Variants in CACNG2 observed in about 807,000 individuals in gnomAD.
The protein encoded by CACNG2 is calcium voltage-gated channel auxiliary subunit gamma 2, also known as voltage-dependent calcium channel gamma-2 subunit.
In CACNG2, 3 loss-of-function variants were observed where a neutral mutation model predicts 25.9. That is an observed-to-expected ratio of 0.12 (90% CI 0.05 to 0.30). The LOEUF is 0.30. Ranked by LOEUF, CACNG2 falls within the 10% of genes least tolerant of loss-of-function variation. The pLI, the probability that CACNG2 is intolerant of heterozygous loss-of-function variation, is 1.00. For missense variants in CACNG2, 341 were observed against 432.5 expected (o/e 0.79, Z 1.88); for synonymous variants, 167 against 173.3 (o/e 0.96, Z 0.29).
intron 1 of CACNG2, among the ~76,000 whole-genome samples, chr22:36,667,245 G>A (rs1936887935): frequency 6.6e-6 from 1 of 152,164 alleles, no homozygotes. Flanking sequence ...GAGCAGCTGC[G>A]TCCAGCTGGG....
chr22:36,572,741 C>A (rs1354549377), intron 2 of CACNG2, among the ~76,000 whole-genome samples: 1 of 151,446 alleles, frequency 6.6e-6, no homozygotes, highest in Non-Finnish European at 1.5e-5. Flanking sequence ...AGGTGGTGGG[C>A]TGGATGGGCT....
At chr22:36,593,452 G>A (rs1935627724) in intron 1 of CACNG2, among the ~76,000 whole-genome samples, 2 of 152,158 alleles carry the variant, frequency 1.3e-5, no homozygotes, top group South Asian at 4.1e-4. Flanking sequence ...CAGGGAAATG[G>A]ACCGGAAATG....
chr22:36,679,403 T>C (rs1937066883), intron 1 of CACNG2, among the ~76,000 whole-genome samples: 1 of 152,130 alleles, frequency 6.6e-6, no homozygotes, highest in Admixed American at 6.5e-5. Flanking sequence ...GGAGAGGTTA[T>C]AGGAGATGGC....
Position 36,582,406 on chromosome 22 carries a change from C to CTTTTTTTTTTTTTTTT in CACNG2, c.295+5058_295+5059insAAAAAAAAAAAAAAAA, listed in dbSNP as rs750246907. Among the ~76,000 whole-genome samples the CTTTTTTTTTTTTTTTT allele has an allele frequency of 2.1e-5, 2 of 96,728 alleles. 1 individual carries two copies. The highest frequency in any genetic ancestry group is 6.0e-5 in the African/African-American group (2 of 33,374). The allele number at this position is 96,728 out of a possible 152,430, so 63.5% of individuals were successfully genotyped here. On this transcript the variant is annotated intron_variant, in intron 2 of 3. Transcript: ENST00000300105. Reference sequence around the variant, plus strand: ...TGCACTTGCTGTTTGCTCTTTCTTTCTTTCTTTTTTTTTTTTGAGACAGAG... The same window carrying CTTTTTTTTTTTTTTTT: ...TGCACTTGCTGTTTGCTCTTTCTTTCTTTTTTTTTTTTTTTTTTTCTTTTTTTTTTTTGAGACAGAG...
chr22:36,614,871 G>C (rs1253635942), intron 1 of CACNG2, among the ~76,000 whole-genome samples: 1 of 152,226 alleles, frequency 6.6e-6, no homozygotes, highest in Non-Finnish European at 1.5e-5. Context: ...GCTTATGTCC[G>C]TGGACTTACT....
chr22:36,702,446 C>T lies in CACNG2; in HGVS notation c.131G>A (p.Ser44Asn). ...TTTGCTGGTTTCATTCTCACTGACA[C>T]TTTTGGTCTTGCAAACCCCTCTGGA... ...LYSRGVCKTK[S>N]VSENETSKKN... Residue 44 changes from serine to asparagine, a missense_variant, in exon 1 of 4, where the codon AGT (serine) becomes AAT (asparagine). This residue lies in a region of CACNG2 where 169 missense variants were observed against 254.4 expected (regional missense o/e 0.66). Coordinates refer to ENST00000300105, the MANE Select transcript of CACNG2 (RefSeq NM_006078.5). The T allele has an allele frequency of 1.2e-6, 2 of 1,614,128 alleles. No individual in the cohort carries two copies. Among genetic ancestry groups the T allele is most frequent in the South Asian group, 1.1e-5 (1 of 91,082 alleles).
chr22:36,581,472 C>T (rs539516641), intron 2 of CACNG2, among the ~76,000 whole-genome samples: 69 of 152,326 alleles, frequency 4.5e-4, no homozygotes, highest in African/African-American at 1.4e-3. Flanking sequence ...GCGCGGTGAG[C>T]CCCACCATCC....
chr22:36,637,444 G>T (rs1936374548), intron 1 of CACNG2, among the ~76,000 whole-genome samples: 2 of 152,156 alleles, frequency 1.3e-5, no homozygotes, highest in Non-Finnish European at 1.5e-5. Context: ...AGTATATGGG[G>T]ATTCATTTTC....
intron 1 of CACNG2, among the ~76,000 whole-genome samples, chr22:36,604,716 A>G (rs1935805593): frequency 6.6e-6 from 1 of 152,222 alleles, no homozygotes; most frequent in South Asian, 2.1e-4. Flanking sequence ...AAAATTATGT[A>G]TGTACATTGT....
intron 1 of CACNG2, among the ~76,000 whole-genome samples, chr22:36,664,489 A>G (rs1936846194): frequency 6.6e-6 from 1 of 152,158 alleles, no homozygotes; most frequent in South Asian, 2.1e-4. Context: ...CTAAGGATGC[A>G]TTATAATGCA....
At chr22:36,685,252 C>T (rs900219179) in intron 1 of CACNG2, among the ~76,000 whole-genome samples, 2 of 152,126 alleles carry the variant, frequency 1.3e-5, no homozygotes, top group South Asian at 2.1e-4. Context: ...GACCAACTGT[C>T]GTGGACCCTC....
chr22:36,575,180 C>T (rs192314377), intron 2 of CACNG2, among the ~76,000 whole-genome samples: 12 of 152,292 alleles, frequency 7.9e-5, no homozygotes, highest in East Asian at 3.9e-4. Context: ...GGAATGTGGA[C>T]GCTTTAGAAA....
chr22:36,664,602 G>A (rs944349880), intron 1 of CACNG2, among the ~76,000 whole-genome samples: 4 of 152,188 alleles, frequency 2.6e-5, no homozygotes, highest in Admixed American at 6.5e-5. Flanking sequence ...CCTGGAATCT[G>A]AAGCTAGATT....
At chr22:36,658,802 G>C (rs1936745113) in intron 1 of CACNG2, among the ~76,000 whole-genome samples, 1 of 152,188 alleles carries the variant, frequency 6.6e-6, no homozygotes, top group South Asian at 2.1e-4. Flanking sequence ...TAGGCGGGGT[G>C]TGGGGACAGG....
intron 1 of CACNG2, among the ~76,000 whole-genome samples, chr22:36,670,290 A>G (rs1250191423): frequency 1.3e-5 from 2 of 152,154 alleles, no homozygotes; most frequent in African/African-American, 2.4e-5. Context: ...TTGAAACCCA[A>G]TTCTCCATCA....
chr22:36,602,681 C>T (rs763544298), intron 1 of CACNG2, among the ~76,000 whole-genome samples: 5 of 152,190 alleles, frequency 3.3e-5, no homozygotes, highest in African/African-American at 9.7e-5. Flanking sequence ...CCACTGCGCC[C>T]GGACTACTTC....
Position 36,702,801 on chromosome 22 carries a change from G to C in CACNG2, c.-225C>G, listed in dbSNP as rs1447281850. On this transcript the variant is annotated 5_prime_UTR_variant, in exon 1 of 4. Coordinates refer to ENST00000300105, the MANE Select transcript of CACNG2 (RefSeq NM_006078.5). ...ATAAAGATCACACGGGAAGAGGCTT[G>C]CCTTTTGAGATCAGAAACTGTTCCA... is the stretch of plus-strand genomic sequence containing the variant. 7.0e-6 allele frequency: 3 copies of C among 430,946 alleles called. No homozygotes were observed. The highest frequency in any genetic ancestry group is 8.2e-6 in the Non-Finnish European group (2 of 244,120). The allele number at this position is 430,946 out of a possible 1,614,324, so 26.7% of individuals were successfully genotyped here. A position where few individuals can be genotyped will look rare whatever the true frequency, so the allele number is the denominator to read the frequency against.
rs560846223 is a variant in CACNG2, at chr22:36,692,356, C to T, written c.211+10010G>A. Among the ~76,000 whole-genome samples the T allele has an allele frequency of 3.9e-5, 6 of 152,302 alleles. No individual in the cohort carries two copies. In the East Asian group the frequency reaches 1.2e-3, roughly 29 times the overall value. The stretch of plus-strand genomic sequence containing the variant: ...TCAGTAAGGAAGTGGGACGGCACTC[C>T]GCAAAGGCAAACCCAGGGTTGCTAA... On this transcript the variant is annotated intron_variant, in intron 1 of 3. Transcript: ENST00000300105.
At chr22:36,700,853 C>A (rs1318220503) in intron 1 of CACNG2, among the ~76,000 whole-genome samples, 1 of 152,144 alleles carries the variant, frequency 6.6e-6, no homozygotes, top group Non-Finnish European at 1.5e-5. Flanking sequence ...CAGTATGCGT[C>A]AAATAGACCA....
Sources: allele counts gnomAD v4.1 joint callset (sites outside exome capture counted in the v4.1 genomes callset), GRCh38; gene constraint gnomAD v4.1.1; regional missense constraint gnomAD v4.1.1; transcripts MANE v1.5; gene names NCBI Gene and HGNC (gene_info 2026-07-23, HGNC 2026-07-21).